The following SAMD5 variants were observed in gnomAD, a reference collection of about 807,000 sequenced individuals.
The protein encoded by SAMD5 is sterile alpha motif domain containing 5, also known as sterile alpha motif domain-containing protein 5.
In SAMD5, 13 loss-of-function variants were observed where a neutral mutation model predicts 11.3. That is an observed-to-expected ratio of 1.15 (90% confidence interval 0.75 to 1.83). SAMD5 has a LOEUF of 1.83. Ranked by LOEUF, SAMD5 falls within the 40% of genes most tolerant of loss-of-function variation. SAMD5 has a pLI of 0.00. For synonymous variants in SAMD5, 129 were observed against 111.3 expected, an observed-to-expected ratio of 1.16 and a Z score of -1.00; for missense variants, 255 against 239.1, an observed-to-expected ratio of 1.07 and a Z score of -0.44.
chr6:147,560,018 ACTAT>A (rs1788923020), intron 1 of SAMD5, among the ~76,000 whole-genome samples: 1 of 152,164 alleles, frequency 6.6e-6, no homozygotes, highest in African/African-American at 2.4e-5. Flanking sequence ...GGCAATAAAG[ACTAT>A]CTGACTTTCT....
chr6:147,900,878 G>A, the SAMD5 span, among the ~76,000 whole-genome samples: 15 of 152,056 alleles, frequency 9.9e-5, no homozygotes, highest in Admixed American at 6.6e-5. Context: ...GCCTTATCTC[G>A]TTTTTTCTAT....
the SAMD5 span, among the ~76,000 whole-genome samples, chr6:147,941,440 T>C: frequency 1.3e-5 from 2 of 152,362 alleles, no homozygotes; most frequent in African/African-American, 4.8e-5. Context: ...ATTCCAAACG[T>C]GCCTGCATTT....
At chr6:147,875,578 G>A in the SAMD5 span, among the ~76,000 whole-genome samples, 1 of 152,098 alleles carries the variant, frequency 6.6e-6, no homozygotes, top group Non-Finnish European at 1.5e-5. Context: ...TGGCCTGTTG[G>A]GAACCAGGCC....
the SAMD5 span, among the ~76,000 whole-genome samples, chr6:147,926,999 C>T: frequency 6.6e-6 from 1 of 151,918 alleles, no homozygotes; most frequent in Non-Finnish European, 1.5e-5. Flanking sequence ...ATTTCTGGGT[C>T]CTCTATTCTG....
At chr6:147,919,620 A>G in the SAMD5 span, among the ~76,000 whole-genome samples, 7 of 152,314 alleles carry the variant, frequency 4.6e-5, no homozygotes, top group Admixed American at 3.9e-4. Context: ...AAAAACCACA[A>G]TACTTTTCCT....
chr6:147,655,127 C>A (rs12661689), intron 1 of SAMD5, among the ~76,000 whole-genome samples: 18 of 152,230 alleles, frequency 1.2e-4, no homozygotes, highest in Admixed American at 7.9e-4. Flanking sequence ...GTTGGTTCCT[C>A]TTAATGTTTC....
chr6:147,626,373 GCTTTC>G (rs1447127698), intron 1 of SAMD5, among the ~76,000 whole-genome samples: 1 of 151,110 alleles, frequency 6.6e-6, no homozygotes, highest in Non-Finnish European at 1.5e-5. Context: ...AATCCCAATT[GCTTTC>G]CTTTTTTTTT....
intron 1 of SAMD5, among the ~76,000 whole-genome samples, chr6:147,669,055 G>A (rs1010166059): frequency 3.3e-5 from 5 of 152,136 alleles, no homozygotes; most frequent in African/African-American, 7.2e-5. Context: ...GTTGCAGAAC[G>A]TTGGGCTGGC....
At chr6:147,528,570 A>G (rs1788381119) in intron 1 of SAMD5, among the ~76,000 whole-genome samples, 1 of 152,178 alleles carries the variant, frequency 6.6e-6, no homozygotes, top group Non-Finnish European at 1.5e-5. Context: ...GGACTTCAAC[A>G]TATTAACTTT....
chr6:147,573,265 G>T (rs1381924644), downstream of SAMD5, among the ~76,000 whole-genome samples: 1 of 152,166 alleles, frequency 6.6e-6, no homozygotes, highest in African/African-American at 2.4e-5. Context: ...AAGGAAAGTG[G>T]TTTAATTGAC....
At position 147,564,750 on chromosome 6, in the gene SAMD5, C is replaced by T. The variant is rs758104662; in HGVS notation, c.*294C>T. 36 of 1,050,316 alleles carry T rather than the reference C, an allele frequency of 3.4e-5. No homozygotes were observed. The African/African-American group carries it at 5.3e-4, about 15-fold the overall frequency. 65.1% of individuals were successfully genotyped at this position (1,050,316 alleles called of 1,614,324 possible). On this transcript the variant is annotated 3_prime_UTR_variant, in exon 2 of 2. Transcript: ENST00000367474. The stretch of plus-strand genomic sequence containing the variant: ...TATGCATTTCTTGGCATTCTCCCTT[C>T]CATTCTTAATGAAAACAGATGAGGT...
chr6:147,887,101 C>T, the SAMD5 span, among the ~76,000 whole-genome samples: 1 of 152,264 alleles, frequency 6.6e-6, no homozygotes, highest in Middle Eastern at 3.4e-3. Context: ...AAAAAAATTG[C>T]AGCAATAGAT....
At chr6:147,882,661 T>A in the SAMD5 span, among the ~76,000 whole-genome samples, 1 of 152,252 alleles carries the variant, frequency 6.6e-6, no homozygotes, top group Non-Finnish European at 1.5e-5. Flanking sequence ...ACTCATTGTG[T>A]TGATACGGCA....
chr6:147,769,386 TTTTATAAGGCA>T, the SAMD5 span, among the ~76,000 whole-genome samples: 4 of 152,154 alleles, frequency 2.6e-5, 1 homozygote, highest in Admixed American at 1.3e-4. Flanking sequence ...CACCTTAAGC[TTTTATAAGGCA>T]TTTTGTTCAA....
Position 147,608,571 on chromosome 6 carries a change from T to C in SAMD5, c.162+99184T>C, listed in dbSNP as rs144474834. The stretch of plus-strand genomic sequence containing the variant: ...ACAAACACCACATGTTCTCACTTAT[T>C]TGTGGGATCTAAAAATCAAAACAGT... On this transcript the variant is annotated intron_variant, in intron 1 of 1. Coordinates refer to the SAMD5 transcript ENST00000566741. 4.0e-3 allele frequency among the ~76,000 whole-genome samples: 611 copies of C among 152,270 alleles called. 4 individuals are homozygous for C. The highest frequency in any genetic ancestry group is 0.013 in the African/African-American group (534 of 41,556).
the SAMD5 span, among the ~76,000 whole-genome samples, chr6:147,768,217 G>T: frequency 1.3e-5 from 2 of 152,154 alleles, no homozygotes; most frequent in Non-Finnish European, 2.9e-5. Flanking sequence ...AGTGGTTTAG[G>T]CTGGGTGTGG....
chr6:147,923,396 A>G, the SAMD5 span, among the ~76,000 whole-genome samples: 2 of 152,212 alleles, frequency 1.3e-5, no homozygotes, highest in Non-Finnish European at 2.9e-5. Flanking sequence ...GCTTGTCAAT[A>G]AAAAGACCAA....
At chr6:147,832,786 G>A in the SAMD5 span, among the ~76,000 whole-genome samples, 1 of 152,078 alleles carries the variant, frequency 6.6e-6, no homozygotes, top group Non-Finnish European at 1.5e-5. Flanking sequence ...CTTCTGTACT[G>A]CGGTACACAC....
the SAMD5 span, among the ~76,000 whole-genome samples, chr6:147,894,790 A>G: frequency 6.6e-6 from 1 of 152,204 alleles, no homozygotes; most frequent in Non-Finnish European, 1.5e-5. Flanking sequence ...AGAAAAGCCC[A>G]TTTTACCAAT....
Sources: gnomAD v4.1 joint callset for allele counts (sites outside exome capture counted in the v4.1 genomes callset) on GRCh38, gnomAD v4.1.1 for gene constraint, MANE v1.5 for transcripts, NCBI Gene and HGNC (gene_info 2026-07-23, HGNC 2026-07-21) for gene names.